The following PEPD variants were observed in gnomAD, a reference collection of about 807,000 sequenced individuals.
PEPD encodes the protein xaa-Pro dipeptidase.
A neutral mutation model predicts 60.7 loss-of-function variants in PEPD; 53 were observed. That is an observed-to-expected ratio of 0.87 (90% CI 0.70 to 1.10). PEPD has a LOEUF of 1.10. Ranked by LOEUF, PEPD falls within the 50% of genes least tolerant of loss-of-function variation. The probability of loss-of-function intolerance (pLI) is 0.00; values close to 1 mark genes in which losing one functional copy is unlikely to be tolerated. For synonymous variants in PEPD, 267 were observed against 284.1 expected (o/e 0.94, Z 0.60); for missense variants, 711 against 711.9 (o/e 1.00, Z 0.01).
chr19:33,513,365 C>T (rs755728727), intron 1 of PEPD, among the ~76,000 whole-genome samples: 7 of 152,276 alleles, frequency 4.6e-5, no homozygotes, highest in Admixed American at 6.5e-5. Context: ...CATCAGCCAC[C>T]CTCAGCAGGC....
At chr19:33,404,357 C>A (rs1968568581) in intron 11 of PEPD, among the ~76,000 whole-genome samples, 1 of 152,082 alleles carries the variant, frequency 6.6e-6, no homozygotes, top group Non-Finnish European at 1.5e-5. Context: ...TCCTAGGAGG[C>A]GCCAAATCAG....
intron 12 of PEPD, among the ~76,000 whole-genome samples, chr19:33,398,643 T>TAAAACTGAGC: frequency 6.6e-6 from 1 of 152,372 alleles, no homozygotes; most frequent in South Asian, 2.1e-4. Context: ...TAGTGGTATT[T>TAAAACTGAGC]AAAACTGAGC....
At chr19:33,421,582 C>T (rs1345402987) in intron 9 of PEPD, among the ~76,000 whole-genome samples, 1 of 152,186 alleles carries the variant, frequency 6.6e-6, no homozygotes, top group Non-Finnish European at 1.5e-5. Context: ...GCTCAAAGTC[C>T]TGGGCTCAAG....
intron 9 of PEPD, among the ~76,000 whole-genome samples, chr19:33,444,794 G>A (rs1431157359): frequency 1.3e-5 from 2 of 151,736 alleles, no homozygotes; most frequent in African/African-American, 2.4e-5. Flanking sequence ...TCTCTTACCC[G>A]CCACACCCCA....
intron 11 of PEPD, among the ~76,000 whole-genome samples, chr19:33,402,817 ATGGGACAGATGGCGTGGGACAGACAGTG>A (rs1042814432): frequency 1.3e-5 from 2 of 152,190 alleles, no homozygotes; most frequent in African/African-American, 4.8e-5. Context: ...GCAGGATGGC[ATGGGACAGATGGCGTGGGACAGACAGTG>A]TGGGACAGAT....
chr19:33,405,310 C>G (rs1293234510), intron 11 of PEPD, among the ~76,000 whole-genome samples: 1 of 152,240 alleles, frequency 6.6e-6, no homozygotes. Context: ...GAACAGTTTT[C>G]TGGGGGAAAT....
At chr19:33,431,139 A>G (rs949905621) in intron 9 of PEPD, among the ~76,000 whole-genome samples, 1 of 142,742 alleles carries the variant, frequency 7.0e-6, no homozygotes, top group Non-Finnish European at 1.5e-5. Flanking sequence ...AGGAACAGAG[A>G]AAGGGAGAGA....
intron 7 of PEPD, among the ~76,000 whole-genome samples, chr19:33,475,124 C>T (rs1312752261): frequency 6.6e-6 from 1 of 152,056 alleles, no homozygotes; most frequent in African/African-American, 2.4e-5. Flanking sequence ...CTCCGTTTTA[C>T]AGATCAAGAA....
intron 3 of PEPD, among the ~76,000 whole-genome samples, chr19:33,506,367 AC>A (rs1475906141): frequency 8.6e-6 from 1 of 116,710 alleles, no homozygotes; most frequent in Admixed American, 9.0e-5. Flanking sequence ...CACCCACCAC[AC>A]CCCATCACAA....
intron 6 of PEPD, among the ~76,000 whole-genome samples, chr19:33,483,382 C>T (rs1318556998): frequency 6.6e-6 from 1 of 152,180 alleles, no homozygotes; most frequent in Non-Finnish European, 1.5e-5. Context: ...ACAAAAGGAT[C>T]AGGTCAGAGC....
chr19:33,506,008 C>G (rs1371041879), intron 3 of PEPD, among the ~76,000 whole-genome samples: 1 of 147,296 alleles, frequency 6.8e-6, no homozygotes, highest in Non-Finnish European at 1.5e-5. Context: ...CTCACACACC[C>G]TCATCATACC....
intron 7 of PEPD, among the ~76,000 whole-genome samples, chr19:33,469,494 A>G (rs979366727): frequency 1.3e-5 from 2 of 152,066 alleles, no homozygotes; most frequent in African/African-American, 2.4e-5. Flanking sequence ...TACTTCTTGG[A>G]GCGCGCAGCA....
intron 9 of PEPD, among the ~76,000 whole-genome samples, chr19:33,416,524 G>A (rs1476675030): frequency 6.6e-6 from 1 of 152,128 alleles, no homozygotes; most frequent in Non-Finnish European, 1.5e-5. Flanking sequence ...AACAGCCCCT[G>A]CTCCCTCCTG....
rs933304393 is a variant in PEPD, at chr19:33,464,156, G to T, written c.549-94C>A. ...GAGAGCTCAGGGCCTACCACACCCT[G>T]CACAGCCCAGAAGGCGTGTTGTGCA... On this transcript the variant is annotated intron_variant, in intron 7 of 14. Transcript: ENST00000244137. The T allele has an allele frequency of 3.5e-6, 3 of 863,946 alleles. No individual in the cohort carries two copies. In the African/African-American group the frequency reaches 4.9e-5, roughly 14 times the overall value. 53.5% of individuals were successfully genotyped at this position (863,946 alleles called of 1,614,324 possible).
At chr19:33,431,120 A>G (rs1207814290) in intron 9 of PEPD, among the ~76,000 whole-genome samples, 2 of 144,880 alleles carry the variant, frequency 1.4e-5, no homozygotes, top group Non-Finnish European at 3.0e-5. Context: ...GGAAGGGAGG[A>G]AGGGAGAGAG....
chr19:33,508,592 G>A (rs981741562), intron 3 of PEPD, among the ~76,000 whole-genome samples: 3 of 152,174 alleles, frequency 2.0e-5, no homozygotes, highest in African/African-American at 7.2e-5. Context: ...GCACGCTGGC[G>A]GCTGGTGCTG....
At chr19:33,506,279 C>T (rs775078233) in intron 3 of PEPD, among the ~76,000 whole-genome samples, 42 of 145,998 alleles carry the variant, frequency 2.9e-4, no homozygotes, top group Non-Finnish European at 5.6e-4. Context: ...TCACAAAAAC[C>T]CTACACACTA....
chr19:33,490,829 A>G (rs1373831910), intron 5 of PEPD, among the ~76,000 whole-genome samples: 1 of 151,996 alleles, frequency 6.6e-6, no homozygotes, highest in African/African-American at 2.4e-5. Context: ...ATGCCCAGCT[A>G]ATTTTATATT....
At chr19:33,477,624 G>A (rs1970242576) in intron 7 of PEPD, among the ~76,000 whole-genome samples, 4 of 152,184 alleles carry the variant, frequency 2.6e-5, no homozygotes, top group African/African-American at 7.2e-5. Context: ...GTATCACCAT[G>A]GGAAGGAAGA....
Sources: allele counts gnomAD v4.1 joint callset (sites outside exome capture counted in the v4.1 genomes callset), GRCh38; gene constraint gnomAD v4.1.1; transcripts MANE v1.5; gene names NCBI Gene and HGNC (gene_info 2026-07-23, HGNC 2026-07-21).